Variants in DENND5A observed in about 807,000 individuals in gnomAD.
DENND5A encodes the protein DENN domain-containing protein 5A.
In DENND5A, 64 loss-of-function variants were observed where a neutral mutation model predicts 140.3. The ratio of observed to expected loss-of-function variants is 0.46; its 90% CI spans 0.37 to 0.56. DENND5A has a LOEUF of 0.56. DENND5A is among the 20% of genes least tolerant of loss of function. The probability of loss-of-function intolerance (pLI) is 0.00; values close to 1 mark genes in which losing one functional copy is unlikely to be tolerated. For synonymous variants in DENND5A, 605 were observed against 607.7 expected (o/e 1.00, Z 0.07); for missense variants, 1,292 against 1,593.8 (o/e 0.81, Z 3.22).
chr11:9,141,103 G>A (rs1847223044), intron 22 of DENND5A, among the ~76,000 whole-genome samples: 1 of 151,976 alleles, frequency 6.6e-6, no homozygotes, highest in African/African-American at 2.4e-5. Context: ...TCCAGCCTGG[G>A]CAACAAGAGC....
intron 1 of DENND5A, among the ~76,000 whole-genome samples, chr11:9,231,392 C>G (rs951083215): frequency 6.6e-6 from 1 of 152,196 alleles, no homozygotes; most frequent in Non-Finnish European, 1.5e-5. Context: ...GCAGCCTCTT[C>G]TTCCCCATAG....
intron 12 of DENND5A, 78 bp downstream of exon 12, chr11:9,160,635 C>A: frequency 2.9e-6 from 4 of 1,398,464 alleles, no homozygotes; most frequent in African/African-American, 1.4e-5. Flanking sequence ...GTCAGCTGGA[C>A]AAAAAGAGTG....
intron 1 of DENND5A, among the ~76,000 whole-genome samples, chr11:9,207,859 A>G (rs1849744715): frequency 6.6e-6 from 1 of 152,340 alleles, no homozygotes; most frequent in Admixed American, 6.5e-5. Flanking sequence ...TAAAACAAAA[A>G]ATGCTGACTG....
At chr11:9,254,292 T>C (rs984961819) in intron 1 of DENND5A, among the ~76,000 whole-genome samples, 7 of 152,010 alleles carry the variant, frequency 4.6e-5, no homozygotes, top group African/African-American at 1.2e-4. Context: ...TGAGGTATGA[T>C]TGTCCACTGT....
chr11:9,229,962 T>C (rs999980098), intron 1 of DENND5A, among the ~76,000 whole-genome samples: 1 of 133,622 alleles, frequency 7.5e-6, no homozygotes, highest in South Asian at 2.4e-4. Context: ...TAGAGTGCAG[T>C]GGTGTGATCT....
intron 15 of DENND5A, among the ~76,000 whole-genome samples, chr11:9,148,531 GT>G (rs773661853): frequency 3.3e-5 from 5 of 152,222 alleles, no homozygotes; most frequent in Non-Finnish European, 5.9e-5. Context: ...AACTAAGTCT[GT>G]GCAGTAAAAA....
intron 1 of DENND5A, among the ~76,000 whole-genome samples, chr11:9,227,083 G>A (rs942969228): frequency 2.0e-5 from 3 of 151,948 alleles, no homozygotes; most frequent in South Asian, 2.1e-4. Flanking sequence ...CAGGAGAATC[G>A]CTTGAACCCG....
rs550643618 is a variant in DENND5A at position 9,154,370 on chromosome 11, G to A, written c.2437-1928C>T. ...ATTGCTCTTAATAACTATGCTACAC[G>A]AGATGCTTCTGAAAAGATCATTTAA... On this transcript the variant is annotated intron_variant, in intron 12 of 22. Transcript: ENST00000328194. Among the ~76,000 whole-genome samples, 7 of 152,228 alleles carry A rather than the reference G, an allele frequency of 4.6e-5. No individual in the cohort carries two copies. The South Asian group carries it at 6.2e-4, about 14-fold the overall frequency.
intron 4 of DENND5A, among the ~76,000 whole-genome samples, chr11:9,201,307 C>G (rs945635383): frequency 2.0e-5 from 3 of 150,960 alleles, no homozygotes; most frequent in Admixed American, 2.0e-4. Context: ...TCCAGGATAT[C>G]AAGACTGCAG....
At chr11:9,163,399 A>G (rs1270348023) in intron 11 of DENND5A, among the ~76,000 whole-genome samples, 1 of 152,194 alleles carries the variant, frequency 6.6e-6, no homozygotes, top group African/African-American at 2.4e-5. Flanking sequence ...TTCTAGATGT[A>G]TATTTTCCCA....
intron 1 of DENND5A, among the ~76,000 whole-genome samples, chr11:9,249,688 C>CA (rs1851634792): frequency 6.6e-6 from 1 of 152,066 alleles, no homozygotes; most frequent in South Asian, 2.1e-4. Flanking sequence ...GCTGGGATTA[C>CA]AGGCGCCCAC....
intron 4 of DENND5A, among the ~76,000 whole-genome samples, chr11:9,196,537 C>T (rs561671946): frequency 4.6e-5 from 7 of 152,294 alleles, no homozygotes; most frequent in African/African-American, 1.4e-4. Context: ...CTTCGCTGTA[C>T]ACTCTTCTAA....
intron 4 of DENND5A, among the ~76,000 whole-genome samples, chr11:9,203,253 A>G (rs1050908506): frequency 3.3e-5 from 5 of 152,226 alleles, no homozygotes; most frequent in Non-Finnish European, 7.3e-5. Flanking sequence ...ACACATCCAC[A>G]TTTTCTCAAT....
At chr11:9,147,641 C>T (rs1449950600) in intron 15 of DENND5A, among the ~76,000 whole-genome samples, 1 of 152,196 alleles carries the variant, frequency 6.6e-6, no homozygotes, top group Non-Finnish European at 1.5e-5. Context: ...AAGCCTAGGA[C>T]AGATTCAGAG....
chr11:9,227,519 C>A (rs566953932), intron 1 of DENND5A, among the ~76,000 whole-genome samples: 2 of 152,294 alleles, frequency 1.3e-5, no homozygotes, highest in South Asian at 4.1e-4. Flanking sequence ...CCAGATGAAG[C>A]TGGGAAGGTA....
intron 1 of DENND5A, among the ~76,000 whole-genome samples, chr11:9,215,587 G>A (rs556253506): frequency 1.2e-3 from 165 of 141,128 alleles, no homozygotes; most frequent in African/African-American, 4.0e-3. Context: ...TCGCTCTGTC[G>A]CCCAGGCTAT....
At chr11:9,224,142 C>T (rs753828869) in intron 1 of DENND5A, among the ~76,000 whole-genome samples, 13 of 152,048 alleles carry the variant, frequency 8.5e-5, no homozygotes, top group Non-Finnish European at 1.2e-4. Flanking sequence ...TGCAGTGAGC[C>T]GAGATCACGC....
Position 9,144,157 on chromosome 11 carries a change from G to A in DENND5A, c.3244C>T (p.Leu1082=). ...VDERPCRTPP[L]QQSPSVIRRL... The stretch of plus-strand genomic sequence containing the variant: ...CGGATGACACTGGGGGACTGCTGCA[G>A]CGGCGGGGTCCGGCATGGCCTCTCA... Residue 1082 remains leucine, a synonymous_variant, in exon 19 of 23, where the codon CTG becomes TTG. Coordinates refer to ENST00000328194, the MANE Select transcript of DENND5A (RefSeq NM_015213.4). 6.2e-7 allele frequency: 1 copy of A among 1,614,138 alleles called. No individual in the cohort carries two copies. The highest frequency in any genetic ancestry group is 8.5e-7 in the Non-Finnish European group (1 of 1,179,992).
chr11:9,235,598 C>G (rs1284645300), intron 1 of DENND5A, among the ~76,000 whole-genome samples: 2 of 150,792 alleles, frequency 1.3e-5, no homozygotes, highest in Admixed American at 6.7e-5. Flanking sequence ...ATGGAGGTTG[C>G]AGTGAGCTGA....
Sources: gnomAD v4.1 joint callset for allele counts (sites outside exome capture counted in the v4.1 genomes callset) on GRCh38, gnomAD v4.1.1 for gene constraint, MANE v1.5 for transcripts, NCBI Gene and HGNC (gene_info 2026-07-23, HGNC 2026-07-21) for gene names.